Variants in ANGPT1 observed in about 807,000 individuals in gnomAD.
ANGPT1 encodes angiopoietin-1.
ANGPT1 carries 17 observed loss-of-function variants against 62.2 expected under a neutral mutation model. The observed-to-expected ratio is 0.27, with a 90% confidence interval of 0.19 to 0.41. The LOEUF is 0.41. Ranked by LOEUF, ANGPT1 falls within the 10% of genes least tolerant of loss-of-function variation. The pLI, the probability that ANGPT1 is intolerant of heterozygous loss-of-function variation, is 1.00. For synonymous variants in ANGPT1, 199 were observed against 198.9 expected, an observed-to-expected ratio of 1.00 and a Z score of 0.00; for missense variants, 478 against 594.9, an observed-to-expected ratio of 0.80 and a Z score of 2.04.
At chr8:107,424,328 T>C (rs979308299) in intron 1 of ANGPT1, among the ~76,000 whole-genome samples, 3 of 152,162 alleles carry the variant, frequency 2.0e-5, no homozygotes, top group Non-Finnish European at 2.9e-5. Flanking sequence ...TAAACTTGAC[T>C]CTGGTGATAA....
chr8:107,422,535 T>G (rs754176203), intron 1 of ANGPT1, among the ~76,000 whole-genome samples: 25 of 152,220 alleles, frequency 1.6e-4, no homozygotes, highest in Non-Finnish European at 3.2e-4. Context: ...TAATCTTGTT[T>G]CCTTGGTCAG....
At position 107,280,201 on chromosome 8, in the gene ANGPT1, T is replaced by C. The variant is rs566085267; in HGVS notation, c.1205+4481A>G. On this transcript the variant is annotated intron_variant, in intron 7 of 8. Transcript: ENST00000517746. ...CTTGGGTGATGTTACTTTCTTTCTT[T>C]TTTTATTTTTTTTTTTGAGATGGCG... 1.6e-4 allele frequency among the ~76,000 whole-genome samples: 24 copies of C among 151,592 alleles called. No individual in the cohort carries two copies. The South Asian group carries it at 4.8e-3, about 30-fold the overall frequency.
chr8:107,380,065 A>G (rs1446571829), intron 1 of ANGPT1, among the ~76,000 whole-genome samples: 1 of 152,160 alleles, frequency 6.6e-6, no homozygotes, highest in Non-Finnish European at 1.5e-5. Flanking sequence ...CTGCTTCATC[A>G]TCAGATACTA....
intron 1 of ANGPT1, among the ~76,000 whole-genome samples, chr8:107,464,526 CT>C (rs768004189): frequency 7.9e-5 from 12 of 152,018 alleles, no homozygotes; most frequent in Non-Finnish European, 1.6e-4. Flanking sequence ...GCTGATAATA[CT>C]ATGATCAAAG....
At chr8:107,444,954 A>G (rs1328830060) in intron 1 of ANGPT1, among the ~76,000 whole-genome samples, 10 of 152,212 alleles carry the variant, frequency 6.6e-5, no homozygotes, top group Non-Finnish European at 1.5e-5. Flanking sequence ...AAATTAACAT[A>G]TCTTGAGATG....
chr8:107,331,440 A>C (rs1208227916), intron 3 of ANGPT1, among the ~76,000 whole-genome samples: 1 of 152,170 alleles, frequency 6.6e-6, no homozygotes, highest in Non-Finnish European at 1.5e-5. Context: ...CTTCAAATGA[A>C]TATTTGTTTG....
At chr8:107,304,208 C>T (rs1814662070) in intron 4 of ANGPT1, among the ~76,000 whole-genome samples, 1 of 151,550 alleles carries the variant, frequency 6.6e-6, no homozygotes, top group Non-Finnish European at 1.5e-5. Context: ...TGAGGAAAAC[C>T]TTATTTTATT....
intron 6 of ANGPT1, among the ~76,000 whole-genome samples, chr8:107,291,262 A>T (rs1344300509): frequency 6.6e-6 from 1 of 152,206 alleles, no homozygotes; most frequent in Non-Finnish European, 1.5e-5. Flanking sequence ...TGCTTTACTT[A>T]CATTACTTCT....
At chr8:107,298,884 G>C (rs1249398269) in intron 5 of ANGPT1, among the ~76,000 whole-genome samples, 1 of 151,748 alleles carries the variant, frequency 6.6e-6, no homozygotes, top group Non-Finnish European at 1.5e-5. Context: ...CAATGCTTTG[G>C]CTAAGCCTAC....
At chr8:107,252,169 T>G (rs544566547) in intron 8 of ANGPT1, among the ~76,000 whole-genome samples, 154 bp from the exon 9 acceptor site, 1 of 152,222 alleles carries the variant, frequency 6.6e-6, no homozygotes, top group Non-Finnish European at 1.5e-5. Context: ...ATATTCCCAG[T>G]AGTGAAACTG....
intron 1 of ANGPT1, among the ~76,000 whole-genome samples, chr8:107,463,323 G>A (rs1812119038): frequency 6.6e-6 from 1 of 151,994 alleles, no homozygotes; most frequent in South Asian, 2.1e-4. Context: ...CCTTGATTAT[G>A]GCCTCTGAGA....
intron 1 of ANGPT1, among the ~76,000 whole-genome samples, chr8:107,393,350 G>A (rs1427943868): frequency 2.0e-5 from 3 of 152,062 alleles, no homozygotes; most frequent in South Asian, 2.1e-4. Flanking sequence ...TGATGGAAAT[G>A]TCTATATCTT....
At chr8:107,300,207 G>A (rs1814554514) in intron 5 of ANGPT1, among the ~76,000 whole-genome samples, 2 of 148,910 alleles carry the variant, frequency 1.3e-5, no homozygotes, top group Non-Finnish European at 3.0e-5. Context: ...AAGAAGACTG[G>A]CAAACTGTAA....
At chr8:107,419,177 A>G (rs550065502) in intron 1 of ANGPT1, among the ~76,000 whole-genome samples, 1 of 152,210 alleles carries the variant, frequency 6.6e-6, no homozygotes, top group Non-Finnish European at 1.5e-5. Context: ...TGAAACTCCT[A>G]TTTTGATAGG....
At chr8:107,481,915 T>C (rs1241084673) in intron 1 of ANGPT1, among the ~76,000 whole-genome samples, 1 of 152,162 alleles carries the variant, frequency 6.6e-6, no homozygotes, top group Non-Finnish European at 1.5e-5. Flanking sequence ...CACGTGGGGA[T>C]TATAGGAACT....
At chr8:107,463,477 G>T (rs1468166727) in intron 1 of ANGPT1, among the ~76,000 whole-genome samples, 4 of 152,012 alleles carry the variant, frequency 2.6e-5, no homozygotes, top group Non-Finnish European at 4.4e-5. Flanking sequence ...GCCCCCAAAT[G>T]TCCTCCTGAG....
chr8:107,409,347 G>A (rs1462232658), intron 1 of ANGPT1, among the ~76,000 whole-genome samples: 1 of 152,062 alleles, frequency 6.6e-6, no homozygotes, highest in Non-Finnish European at 1.5e-5. Context: ...CTTTCTTACT[G>A]CAGCTTGTCT....
intron 1 of ANGPT1, among the ~76,000 whole-genome samples, chr8:107,347,383 T>C (rs992255084): frequency 6.6e-6 from 1 of 152,124 alleles, no homozygotes; most frequent in Admixed American, 6.6e-5. Context: ...TTAGCCTTTA[T>C]AGCAAAGATG....
intron 1 of ANGPT1, among the ~76,000 whole-genome samples, chr8:107,458,643 ATGTT>A (rs1811986625): frequency 6.6e-6 from 1 of 152,206 alleles, no homozygotes; most frequent in East Asian, 1.9e-4. Flanking sequence ...ATGTTATACT[ATGTT>A]TGATGCAACA....
Sources: allele counts gnomAD v4.1 joint callset (sites outside exome capture counted in the v4.1 genomes callset), GRCh38; gene constraint gnomAD v4.1.1; transcripts MANE v1.5; gene names NCBI Gene and HGNC (gene_info 2026-07-23, HGNC 2026-07-21).